ERC2: variants seen among roughly 807,000 people sequenced by gnomAD.
ERC2 encodes ELKS/RAB6-interacting/CAST family member 2, also known as ERC protein 2.
In ERC2, 42 loss-of-function variants were observed where a neutral mutation model predicts 114.8. That is an observed-to-expected ratio of 0.37 (90% confidence interval 0.29 to 0.47). ERC2 has a LOEUF of 0.47. ERC2 is among the 20% of genes least tolerant of loss of function. ERC2 has a pLI of 0.99. For missense variants in ERC2, 939 were observed against 1,150.7 expected (o/e 0.82, Z 2.66); for synonymous variants, 454 against 425.5 (o/e 1.07, Z -0.82).
intron 2 of ERC2, among the ~76,000 whole-genome samples, chr3:56,410,126 A>G (rs1576820044): frequency 1.3e-5 from 2 of 152,306 alleles, no homozygotes; most frequent in South Asian, 4.1e-4. Flanking sequence ...GTGTCTAAGT[A>G]TTAGTGCCAG....
intron 17 of ERC2, among the ~76,000 whole-genome samples, chr3:55,582,411 C>G (rs1284749381): frequency 2.0e-5 from 3 of 152,228 alleles, no homozygotes; most frequent in Non-Finnish European, 2.9e-5. Flanking sequence ...CTGCTCTCCT[C>G]CTCAAACAGT....
intron 2 of ERC2, among the ~76,000 whole-genome samples, chr3:56,312,793 C>G (rs1347493274): frequency 6.7e-6 from 1 of 150,320 alleles, no homozygotes; most frequent in Non-Finnish European, 1.5e-5. Context: ...TTAATTATAA[C>G]TTGAATAATG....
chr3:55,648,502 G>A (rs2060482393), intron 17 of ERC2, among the ~76,000 whole-genome samples: 1 of 152,254 alleles, frequency 6.6e-6, no homozygotes, highest in Admixed American at 6.5e-5. Context: ...GAGGATGACA[G>A]TTCTGTGGGA....
intron 2 of ERC2, among the ~76,000 whole-genome samples, chr3:56,337,521 C>T (rs1560618524): frequency 6.6e-6 from 1 of 152,146 alleles, no homozygotes; most frequent in Non-Finnish European, 1.5e-5. Flanking sequence ...TGATGATGAC[C>T]TGATAGAATA....
intron 14 of ERC2, among the ~76,000 whole-genome samples, chr3:55,777,760 T>C (rs1456816082): frequency 6.6e-6 from 1 of 152,206 alleles, no homozygotes; most frequent in African/African-American, 2.4e-5. Context: ...CATACACTTT[T>C]ACCCCTAATC....
intron 17 of ERC2, among the ~76,000 whole-genome samples, chr3:55,608,278 C>A (rs1028574933): frequency 2.0e-5 from 3 of 152,176 alleles, no homozygotes; most frequent in Non-Finnish European, 4.4e-5. Context: ...TTTTTAGAGA[C>A]AAAGAAAGGA....
chr3:56,004,645 CA>C (rs2149555526), intron 10 of ERC2, among the ~76,000 whole-genome samples: 1 of 152,104 alleles, frequency 6.6e-6, no homozygotes, highest in South Asian at 2.1e-4. Context: ...TTGCCACTGG[CA>C]GACAAGGTTT....
At chr3:55,831,945 G>C (rs1390416212) in intron 14 of ERC2, among the ~76,000 whole-genome samples, 1 of 152,220 alleles carries the variant, frequency 6.6e-6, no homozygotes, top group Non-Finnish European at 1.5e-5. Flanking sequence ...GGCACACCAG[G>C]AGATTACATC....
intron 17 of ERC2, among the ~76,000 whole-genome samples, chr3:55,567,576 G>T (rs547041510): frequency 6.6e-6 from 1 of 152,248 alleles, no homozygotes; most frequent in African/African-American, 2.4e-5. Context: ...GGTGATGGTG[G>T]CCTGGAGTGG....
At chr3:56,412,575 T>G (rs577006422) in intron 2 of ERC2, among the ~76,000 whole-genome samples, 3 of 152,158 alleles carry the variant, frequency 2.0e-5, no homozygotes, top group Non-Finnish European at 4.4e-5. Flanking sequence ...AGCCCCTTCT[T>G]CAGTATCTCA....
intron 3 of ERC2, among the ~76,000 whole-genome samples, chr3:56,272,766 A>T (rs1046547267): frequency 6.6e-6 from 1 of 152,082 alleles, no homozygotes; most frequent in Non-Finnish European, 1.5e-5. Flanking sequence ...ATTTTGTCTC[A>T]ATAATAAAAA....
chr3:55,674,001 A>C (rs1013273468), intron 17 of ERC2, among the ~76,000 whole-genome samples: 1 of 152,014 alleles, frequency 6.6e-6, no homozygotes, highest in East Asian at 1.9e-4. Context: ...GGAACAATGA[A>C]GCCTCATGCC....
At chr3:56,408,303 C>T (rs923493815) in intron 2 of ERC2, among the ~76,000 whole-genome samples, 1 of 152,108 alleles carries the variant, frequency 6.6e-6, no homozygotes, top group African/African-American at 2.4e-5. Context: ...AATTGTTATC[C>T]CTATTTTATG....
At chr3:56,221,362 T>C (rs2049897371) in intron 3 of ERC2, among the ~76,000 whole-genome samples, 1 of 150,096 alleles carries the variant, frequency 6.7e-6, no homozygotes. Context: ...CAAGAGATAT[T>C]ATTTCAGAGT....
intron 14 of ERC2, among the ~76,000 whole-genome samples, chr3:55,756,356 G>A (rs936998540): frequency 6.6e-6 from 1 of 152,124 alleles, no homozygotes; most frequent in Non-Finnish European, 1.5e-5. Context: ...TTAGGTGACT[G>A]TAATACTGAT....
intron 8 of ERC2, among the ~76,000 whole-genome samples, chr3:56,014,614 A>T (rs1404997691): frequency 6.6e-6 from 1 of 152,088 alleles, no homozygotes; most frequent in East Asian, 1.9e-4. Context: ...GGAAGTACTT[A>T]AATAAAGGGA....
chr3:56,188,440 AC>A (rs1560334553), intron 3 of ERC2, among the ~76,000 whole-genome samples: 2 of 152,048 alleles, frequency 1.3e-5, no homozygotes, highest in African/African-American at 4.8e-5. Flanking sequence ...TTCCCTACAC[AC>A]CCCCACGGTC....
At chr3:56,146,159 G>T (rs1255681597) in intron 5 of ERC2, among the ~76,000 whole-genome samples, 6 of 152,058 alleles carry the variant, frequency 3.9e-5, no homozygotes, top group Non-Finnish European at 7.4e-5. Flanking sequence ...ATGGTGGTGT[G>T]CACCTGTAAT....
chr3:56,391,477 A>T (rs775467991), intron 2 of ERC2, among the ~76,000 whole-genome samples: 2 of 152,356 alleles, frequency 1.3e-5, no homozygotes, highest in South Asian at 2.1e-4. Flanking sequence ...GAATAAGAAG[A>T]GTGAGAAAGA....
Sources: gnomAD v4.1 joint callset for allele counts (sites outside exome capture counted in the v4.1 genomes callset) on GRCh38, gnomAD v4.1.1 for gene constraint, MANE v1.5 for transcripts, NCBI Gene and HGNC (gene_info 2026-07-23, HGNC 2026-07-21) for gene names.